Variants in CGNL1 observed in about 807,000 individuals in gnomAD.
CGNL1 encodes the protein cingulin like 1, also known as cingulin-like protein 1.
A neutral mutation model predicts 141.2 loss-of-function variants in CGNL1; 132 were observed. The observed-to-expected ratio is 0.93, with a 90% CI of 0.81 to 1.08. The LOEUF (loss-of-function observed/expected upper bound fraction) is 1.08, where lower values mean the gene tolerates loss of function less well. Ranked by LOEUF, CGNL1 falls within the 50% of genes least tolerant of loss-of-function variation. The pLI is 0.00. For missense variants in CGNL1, 1,870 were observed against 1,588.6 expected (o/e 1.18, Z -3.01); for synonymous variants, 690 against 622.1 (o/e 1.11, Z -1.63).
chr15:57,534,435 T>G (rs1302920853), intron 14 of CGNL1, among the ~76,000 whole-genome samples: 1 of 152,178 alleles, frequency 6.6e-6, no homozygotes, highest in African/African-American at 2.4e-5. Context: ...GGCAGAGAAA[T>G]GGGTGGGCCA....
At chr15:57,498,254 T>TG (rs2063971469) in intron 8 of CGNL1, among the ~76,000 whole-genome samples, 2 of 147,234 alleles carry the variant, frequency 1.4e-5, no homozygotes, top group Non-Finnish European at 3.0e-5. Flanking sequence ...AGTTTTTTTT[T>TG]TTTTTTTTTT....
Position 57,420,593 on chromosome 15 carries a change from A to G in CGNL1, c.-15-17392A>G, listed in dbSNP as rs893750451. On this transcript the variant is annotated intron_variant, in intron 1 of 18. Coordinates refer to ENST00000281282, the MANE Select transcript of CGNL1 (RefSeq NM_032866.5). ...TCGTTAATGCATTCCTCTATGGGAA[A>G]CAACTTTATCAACTATAGTAAAATA... is the stretch of plus-strand genomic sequence containing the variant. Among the ~76,000 whole-genome samples the G allele has an allele frequency of 2.0e-5, 3 of 152,208 alleles. No homozygotes were observed. The South Asian group carries it at 6.2e-4, about 31-fold the overall frequency.
Position 57,545,668 on chromosome 15 carries a change from G to A in CGNL1, c.3577G>A (p.Glu1193Lys). The A allele has an allele frequency of 6.2e-7, 1 of 1,613,458 alleles. No homozygotes were observed. ...VKELVMQVDD[E>K]HLSLTDQKDQ... ...GGAGCTGGTGATGCAGGTGGATGAT[G>A]AGCACCTGTCATTGACTGATCAGAA... Residue 1193 changes from glutamate (E) to lysine (K), a missense_variant, in exon 17 of 19, where the codon GAG becomes AAG. Coordinates refer to ENST00000281282, the MANE Select transcript of CGNL1 (RefSeq NM_032866.5).
At chr15:57,423,347 A>G (rs2062937155) in intron 1 of CGNL1, among the ~76,000 whole-genome samples, 1 of 152,344 alleles carries the variant, frequency 6.6e-6, no homozygotes. Flanking sequence ...ATGGCTGTAA[A>G]CACATCCCTG....
chr15:57,489,995 A>G (rs1473793103), intron 8 of CGNL1, among the ~76,000 whole-genome samples: 1 of 152,184 alleles, frequency 6.6e-6, no homozygotes, highest in African/African-American at 2.4e-5. Flanking sequence ...CATATTTTCA[A>G]CCCTGCTTTG....
chr15:57,545,951 A>T (rs751348247), intron 17 of CGNL1, 125 bp from the exon 18 acceptor site: 166 of 1,096,722 alleles, frequency 1.5e-4, no homozygotes, highest in Non-Finnish European at 2.1e-4. Flanking sequence ...ATGTTTCCCA[A>T]GAGACTGGCT....
intron 1 of CGNL1, among the ~76,000 whole-genome samples, chr15:57,408,460 C>A (rs1486451066): frequency 6.6e-6 from 1 of 152,072 alleles, no homozygotes; most frequent in Admixed American, 6.6e-5. Context: ...CTTTTAAGCC[C>A]CAAAGCAAAG....
rs1297818764 is a variant in CGNL1 at position 57,528,734 on chromosome 15, G to C, written c.3120G>C (p.Gln1040His). The C allele has an allele frequency of 6.2e-7, 1 of 1,614,198 alleles. No homozygotes were observed. Among genetic ancestry groups the C allele is most frequent in the Admixed American group, 1.7e-5 (1 of 60,030 alleles). ...EALTKRQLLE[Q>H]TLKDLEYELE... ...TCACAAAAAGGCAGCTTCTGGAGCA[G>C]ACGCTGAAGGACCTGGAGTATGAGC... is the stretch of plus-strand genomic sequence containing the variant. The change falls in exon 13 of 19, where the codon CAG becomes CAC. Residue 1040 changes from glutamine (Q) to histidine (H), a missense_variant. By Grantham distance (24) the Gln-to-His change is conservative. Transcript: ENST00000281282.
chr15:57,524,459 C>T, intron 11 of CGNL1, 122 bp from the exon 12 acceptor site: 2 of 925,028 alleles, frequency 2.2e-6, no homozygotes, highest in South Asian at 1.7e-5. Flanking sequence ...AGGTGCTGGG[C>T]CATCTTTGAG....
chr15:57,546,322 T>C, intron 18 of CGNL1, 83 bp downstream of exon 18: 2 of 1,426,592 alleles, frequency 1.4e-6, no homozygotes, highest in South Asian at 2.9e-5. Context: ...TTCACACTCC[T>C]GTTGTCTCAA....
intron 1 of CGNL1, among the ~76,000 whole-genome samples, chr15:57,413,717 T>C (rs969961745): frequency 6.6e-6 from 1 of 152,256 alleles, no homozygotes; most frequent in Non-Finnish European, 1.5e-5. Flanking sequence ...CCACATTCAG[T>C]GATAAAAAGT....
At chr15:57,501,764 G>T (rs2064028414) in intron 8 of CGNL1, among the ~76,000 whole-genome samples, 1 of 152,136 alleles carries the variant, frequency 6.6e-6, no homozygotes. Flanking sequence ...CCTAGATGGG[G>T]AGGAAAGAGG....
intron 14 of CGNL1, among the ~76,000 whole-genome samples, chr15:57,537,146 T>C (rs2140208904): frequency 6.6e-6 from 1 of 152,326 alleles, no homozygotes; most frequent in South Asian, 2.1e-4. Flanking sequence ...TTCTCTTGGC[T>C]ATGGAGACCA....
At chr15:57,464,098 G>A (rs1278578877) in intron 8 of CGNL1, among the ~76,000 whole-genome samples, 1 of 150,814 alleles carries the variant, frequency 6.6e-6, no homozygotes, top group Non-Finnish European at 1.5e-5. Context: ...GAGAGGGAGT[G>A]ACAAACTCTA....
At chr15:57,423,181 G>A (rs1215996551) in intron 1 of CGNL1, among the ~76,000 whole-genome samples, 1 of 152,112 alleles carries the variant, frequency 6.6e-6, no homozygotes, top group Non-Finnish European at 1.5e-5. Flanking sequence ...TCAGCTGATC[G>A]TGTCACACCC....
At chr15:57,496,286 G>A (rs2063936824) in intron 8 of CGNL1, among the ~76,000 whole-genome samples, 1 of 152,184 alleles carries the variant, frequency 6.6e-6, no homozygotes, top group African/African-American at 2.4e-5. Context: ...ATCAAGAGTT[G>A]TGCTTGACCT....
chr15:57,390,999 G>A (rs1309162564), intron 1 of CGNL1, among the ~76,000 whole-genome samples: 1 of 152,182 alleles, frequency 6.6e-6, no homozygotes, highest in Admixed American at 6.5e-5. Flanking sequence ...ATCAGTGCCT[G>A]TGTGTACCAT....
chr15:57,415,488 A>G (rs2062838558), intron 1 of CGNL1, among the ~76,000 whole-genome samples: 1 of 152,226 alleles, frequency 6.6e-6, no homozygotes, highest in Non-Finnish European at 1.5e-5. Context: ...TAGAAGCAGG[A>G]AGAGGCAAGG....
At chr15:57,418,551 C>T (rs796150819) in intron 1 of CGNL1, among the ~76,000 whole-genome samples, 5 of 152,140 alleles carry the variant, frequency 3.3e-5, no homozygotes, top group African/African-American at 1.2e-4. Context: ...TGGCAGTTTG[C>T]TGTATTTTTA....
Sources: gnomAD v4.1 joint callset for allele counts (sites outside exome capture counted in the v4.1 genomes callset) on GRCh38, gnomAD v4.1.1 for gene constraint, MANE v1.5 for transcripts, NCBI Gene and HGNC (gene_info 2026-07-23, HGNC 2026-07-21) for gene names.